The following RAPGEF4 variants were observed in gnomAD, a reference collection of about 807,000 sequenced individuals.
The protein encoded by RAPGEF4 is Rap guanine nucleotide exchange factor 4, also known as RAP guanine-nucleotide-exchange factor (GEF) 4.
RAPGEF4 carries 66 observed loss-of-function variants against 147.9 expected under a neutral mutation model. That is an observed-to-expected ratio of 0.45 (90% confidence interval 0.37 to 0.55). The LOEUF (loss-of-function observed/expected upper bound fraction) is 0.55, where lower values mean the gene tolerates loss of function less well. Among genes scored for constraint, RAPGEF4 ranks in the 20% least tolerant of loss-of-function variants. The pLI is 0.00. For missense variants in RAPGEF4, 1,071 were observed against 1,257.3 expected, an observed-to-expected ratio of 0.85 and a Z score of 2.24; for synonymous variants, 419 against 442.7, an observed-to-expected ratio of 0.95 and a Z score of 0.67.
At chr2:172,861,870 C>T (rs1694086821) in intron 4 of RAPGEF4, among the ~76,000 whole-genome samples, 1 of 152,176 alleles carries the variant, frequency 6.6e-6, no homozygotes, top group African/African-American at 2.4e-5. Context: ...ACCCAGTGCT[C>T]TGTCAAGTTT....
chr2:172,839,768 G>A (rs1430979907), intron 4 of RAPGEF4, among the ~76,000 whole-genome samples: 15 of 152,100 alleles, frequency 9.9e-5, no homozygotes, highest in Admixed American at 9.8e-4. Flanking sequence ...TTAAGCTTTA[G>A]GGAGAAGCTA....
chr2:172,737,993 A>G lies in RAPGEF4; in HGVS notation c.65+1945A>G, dbSNP rs181125140. Among the ~76,000 whole-genome samples the G allele has an allele frequency of 1.5e-3, 229 of 152,368 alleles. 4 individuals carry two copies. Among genetic ancestry groups the G allele is most frequent in the Admixed American group, 0.015 (226 of 15,304 alleles). ...GAACTTTGCATGTTCTGCAGTGTTC[A>G]TGCCAGAATTAATTCCAATGAGGAA... On this transcript the variant is annotated intron_variant, in intron 1 of 30. Coordinates refer to ENST00000397081, the MANE Select transcript of RAPGEF4 (RefSeq NM_007023.4).
intron 29 of RAPGEF4, among the ~76,000 whole-genome samples, chr2:173,039,104 T>C (rs145552261): frequency 6.6e-6 from 1 of 152,336 alleles, no homozygotes; most frequent in East Asian, 1.9e-4. Flanking sequence ...TTCAGCTTCA[T>C]TAATGGAAAC....
chr2:173,040,675 C>A (rs1684653202), intron 29 of RAPGEF4, among the ~76,000 whole-genome samples: 1 of 152,172 alleles, frequency 6.6e-6, no homozygotes, highest in South Asian at 2.1e-4. Flanking sequence ...GAACCAATCT[C>A]CTACATCTTC....
At chr2:172,866,484 A>G (rs1321987877) in intron 4 of RAPGEF4, among the ~76,000 whole-genome samples, 9 of 152,170 alleles carry the variant, frequency 5.9e-5, no homozygotes, top group Non-Finnish European at 1.3e-4. Flanking sequence ...CACTATTAAA[A>G]TATAAGTCGT....
At chr2:172,834,055 T>G (rs1234539183) in intron 4 of RAPGEF4, among the ~76,000 whole-genome samples, 1 of 152,190 alleles carries the variant, frequency 6.6e-6, no homozygotes, top group Non-Finnish European at 1.5e-5. Flanking sequence ...TTCCCAGCAC[T>G]TATTCATCCT....
chr2:172,869,422 G>A (rs1047189468), intron 4 of RAPGEF4, among the ~76,000 whole-genome samples: 2 of 152,138 alleles, frequency 1.3e-5, no homozygotes, highest in African/African-American at 4.8e-5. Context: ...TTTCCCTGTG[G>A]GTAATTTTAT....
chr2:172,993,409 G>A (rs1229442039), intron 15 of RAPGEF4, among the ~76,000 whole-genome samples: 2 of 152,180 alleles, frequency 1.3e-5, no homozygotes, highest in East Asian at 3.9e-4. Flanking sequence ...CAGGAAGACA[G>A]TCTCTTTCAG....
chr2:172,890,202 A>C (rs1199459399), intron 4 of RAPGEF4, among the ~76,000 whole-genome samples: 1 of 152,220 alleles, frequency 6.6e-6, no homozygotes, highest in Non-Finnish European at 1.5e-5. Context: ...ACTGATGGTA[A>C]CATTTGTAGT....
Position 172,736,157 on chromosome 2 carries a change from C to T in RAPGEF4, c.65+109C>T, listed in dbSNP as rs1045573421. 21 of 846,800 alleles carry T rather than the reference C, an allele frequency of 2.5e-5. No homozygotes were observed. In the South Asian group the frequency reaches 6.4e-4, roughly 26 times the overall value. The allele number at this position is 846,800 out of a possible 1,614,324, so 52.5% of individuals were successfully genotyped here. On this transcript the variant is annotated intron_variant, in intron 1 of 30. Coordinates refer to ENST00000397081, the MANE Select transcript of RAPGEF4 (RefSeq NM_007023.4). Reference sequence around the variant, plus strand: ...GCAGCGCGGCCGGGCTGCGGGTGGCCGGGGTCCCCGAGCGGGGGAAGGGGT... The same window carrying T: ...GCAGCGCGGCCGGGCTGCGGGTGGCTGGGGTCCCCGAGCGGGGGAAGGGGT...
chr2:172,819,030 T>C (rs1391323137), intron 4 of RAPGEF4, among the ~76,000 whole-genome samples: 4 of 152,222 alleles, frequency 2.6e-5, no homozygotes, highest in Non-Finnish European at 4.4e-5. Flanking sequence ...TCTATAAATA[T>C]ATCAAATAAA....
chr2:172,984,242 G>C (rs1465726558), intron 11 of RAPGEF4, among the ~76,000 whole-genome samples: 1 of 152,140 alleles, frequency 6.6e-6, no homozygotes, highest in Non-Finnish European at 1.5e-5. Flanking sequence ...AATAAGTTAA[G>C]AAGAATGAAG....
At chr2:173,019,417 C>T (rs1376560224) in intron 22 of RAPGEF4, among the ~76,000 whole-genome samples, 2 of 152,194 alleles carry the variant, frequency 1.3e-5, no homozygotes, top group Non-Finnish European at 2.9e-5. Context: ...AGCTCACGTC[C>T]CCAGGTTGTT....
intron 6 of RAPGEF4, among the ~76,000 whole-genome samples, chr2:172,955,913 A>C (rs1343925730): frequency 6.6e-6 from 1 of 152,146 alleles, no homozygotes; most frequent in South Asian, 2.1e-4. Flanking sequence ...CTCTCGGATC[A>C]ACTCTTTGCC....
chr2:172,908,029 G>A (rs1399812257), intron 4 of RAPGEF4, among the ~76,000 whole-genome samples: 1 of 152,182 alleles, frequency 6.6e-6, no homozygotes, highest in East Asian at 1.9e-4. Flanking sequence ...CCCCAGTCTT[G>A]TGTGATTTAA....
chr2:172,931,204 T>A (rs868123297), intron 6 of RAPGEF4, among the ~76,000 whole-genome samples: 34 of 67,796 alleles, frequency 5.0e-4, no homozygotes, highest in African/African-American at 1.7e-3. Context: ...GCGGGGGGAC[T>A]GAACAGGTGG....
chr2:172,816,960 T>G (rs1688572945), intron 4 of RAPGEF4, among the ~76,000 whole-genome samples: 1 of 152,230 alleles, frequency 6.6e-6, no homozygotes, highest in Non-Finnish European at 1.5e-5. Context: ...ATAAACCCCA[T>G]TATCTAGCAA....
intron 6 of RAPGEF4, among the ~76,000 whole-genome samples, chr2:172,934,251 G>A (rs1016720178): frequency 1.5e-4 from 21 of 136,242 alleles, no homozygotes; most frequent in African/African-American, 5.6e-4. Flanking sequence ...CCAGGTTCAA[G>A]CAATTCCCCT....
At chr2:172,983,741 G>T (rs1264051315) in intron 11 of RAPGEF4, among the ~76,000 whole-genome samples, 161 bp downstream of exon 11, 3 of 152,126 alleles carry the variant, frequency 2.0e-5, no homozygotes, top group Non-Finnish European at 4.4e-5. Flanking sequence ...TTATACCCAA[G>T]AACAATCACT....
Sources: allele counts gnomAD v4.1 joint callset (sites outside exome capture counted in the v4.1 genomes callset), GRCh38; gene constraint gnomAD v4.1.1; transcripts MANE v1.5; gene names NCBI Gene and HGNC (gene_info 2026-07-23, HGNC 2026-07-21).